The following NLGN1 variants were observed in gnomAD, a reference collection of about 807,000 sequenced individuals.
NLGN1 encodes the protein neuroligin 1.
NLGN1 carries 12 observed loss-of-function variants against 65.5 expected under a neutral mutation model. The observed-to-expected ratio is 0.18, with a 90% CI of 0.12 to 0.30. NLGN1 has a LOEUF of 0.30. NLGN1 is among the 10% of genes least tolerant of loss of function. The pLI is 1.00. For synonymous variants in NLGN1, 350 were observed against 359.5 expected (o/e 0.97, Z 0.30); for missense variants, 750 against 1,007.1 (o/e 0.74, Z 3.46).
chr3:173,489,724 C>T (rs915562386), intron 2 of NLGN1, among the ~76,000 whole-genome samples: 8 of 151,962 alleles, frequency 5.3e-5, no homozygotes, highest in African/African-American at 1.9e-4. Flanking sequence ...GTTCCTATGT[C>T]TCCACATCCT....
At chr3:174,289,470 G>A (rs192355421), downstream of NLGN1, among the ~76,000 whole-genome samples, 5 of 151,318 alleles carry the variant, frequency 3.3e-5, no homozygotes, top group East Asian at 9.8e-4. Flanking sequence ...GTATTTGCAG[G>A]ATATATTTTT....
At chr3:173,469,748 C>A (rs866329152) in intron 2 of NLGN1, among the ~76,000 whole-genome samples, 20 of 151,998 alleles carry the variant, frequency 1.3e-4, no homozygotes, top group Admixed American at 1.3e-4. Context: ...AGCAATCTAT[C>A]CTTATTTCCC....
intron 4 of NLGN1, among the ~76,000 whole-genome samples, chr3:173,994,286 G>A (rs1206055383): frequency 6.6e-6 from 1 of 151,504 alleles, no homozygotes; most frequent in Non-Finnish European, 1.5e-5. Flanking sequence ...TTTGTATTTT[G>A]GGGGGTTTTG....
intron 2 of NLGN1, among the ~76,000 whole-genome samples, chr3:173,581,328 GTCT>G (rs1192191038): frequency 6.6e-6 from 1 of 151,954 alleles, no homozygotes; most frequent in Non-Finnish European, 1.5e-5. Context: ...TATCAACAAA[GTCT>G]TCTTATTTGA....
intron 3 of NLGN1, among the ~76,000 whole-genome samples, chr3:173,785,648 A>C (rs1781833887): frequency 6.6e-6 from 1 of 151,932 alleles, no homozygotes; most frequent in Admixed American, 6.6e-5. Context: ...TGGCATACAG[A>C]GGTATATACA....
At chr3:173,648,091 TA>T (rs1758560670) in intron 3 of NLGN1, among the ~76,000 whole-genome samples, 1 of 151,890 alleles carries the variant, frequency 6.6e-6, no homozygotes, top group Non-Finnish European at 1.5e-5. Flanking sequence ...CTAGAATTTT[TA>T]AAACAACACT....
intron 4 of NLGN1, among the ~76,000 whole-genome samples, chr3:174,119,778 A>C (rs945040877): frequency 2.0e-5 from 3 of 152,216 alleles, no homozygotes; most frequent in African/African-American, 7.2e-5. Context: ...GTAGAATACT[A>C]GTACATCTTA....
chr3:174,233,294 G>T (rs1332466986), intron 4 of NLGN1, among the ~76,000 whole-genome samples: 3 of 152,008 alleles, frequency 2.0e-5, no homozygotes, highest in African/African-American at 7.2e-5. Flanking sequence ...AGACCAGCCT[G>T]ACCAACATGG....
upstream of NLGN1, chr3:173,397,985 G>GC (rs1716933753): frequency 1.3e-5 from 2 of 152,236 alleles, no homozygotes; most frequent in Non-Finnish European, 2.9e-5. Context: ...TTAGAGCGGC[G>GC]CCCCAGTCAC....
At chr3:173,502,636 G>A (rs526880) in intron 2 of NLGN1, among the ~76,000 whole-genome samples, 2 of 152,036 alleles carry the variant, frequency 1.3e-5, no homozygotes, top group African/African-American at 4.8e-5. Context: ...GTATATGTAG[G>A]AATACTTGTT....
chr3:173,852,632 C>A (rs1727200637), intron 4 of NLGN1, among the ~76,000 whole-genome samples: 1 of 152,048 alleles, frequency 6.6e-6, no homozygotes. Flanking sequence ...TTTGTTGTAT[C>A]ACAATTAATG....
At chr3:173,839,312 T>G (rs1578720644) in intron 4 of NLGN1, among the ~76,000 whole-genome samples, 1 of 152,198 alleles carries the variant, frequency 6.6e-6, no homozygotes, top group East Asian at 1.9e-4. Context: ...AAAATTGTCA[T>G]ATTCTTAAAC....
At chr3:173,999,281 A>G (rs971619396) in intron 4 of NLGN1, among the ~76,000 whole-genome samples, 7 of 152,118 alleles carry the variant, frequency 4.6e-5, no homozygotes, top group Non-Finnish European at 1.5e-5. Context: ...CACAAGAACA[A>G]TTTGCCCCAA....
intron 2 of NLGN1, among the ~76,000 whole-genome samples, chr3:173,544,779 A>G (rs931418710): frequency 2.6e-5 from 4 of 152,136 alleles, no homozygotes; most frequent in Non-Finnish European, 1.5e-5. Flanking sequence ...GAAAGAGACT[A>G]TAGGATGAAA....
chr3:173,422,345 A>G (rs1396092892), intron 1 of NLGN1, among the ~76,000 whole-genome samples: 7 of 152,180 alleles, frequency 4.6e-5, no homozygotes, highest in African/African-American at 1.4e-4. Flanking sequence ...AGAGAGTAGA[A>G]TGGCGGTTAC....
chr3:173,437,462 A>G (rs1285682957), intron 2 of NLGN1, among the ~76,000 whole-genome samples: 1 of 152,122 alleles, frequency 6.6e-6, no homozygotes, highest in Non-Finnish European at 1.5e-5. Context: ...CATGCATTGG[A>G]ATTTATTCAG....
intron 2 of NLGN1, among the ~76,000 whole-genome samples, chr3:173,440,666 A>G (rs1330173593): frequency 6.6e-6 from 1 of 152,150 alleles, no homozygotes; most frequent in Admixed American, 6.6e-5. Flanking sequence ...GGCTTAATAT[A>G]TTCAGTAATC....
intron 4 of NLGN1, among the ~76,000 whole-genome samples, chr3:173,996,950 T>C (rs375399105): frequency 2.0e-5 from 3 of 152,148 alleles, no homozygotes; most frequent in African/African-American, 7.2e-5. Context: ...CAGGGCGTAA[T>C]ATAAATCCCA....
chr3:173,497,867 A>G (rs183846549), intron 2 of NLGN1, among the ~76,000 whole-genome samples: 13 of 152,014 alleles, frequency 8.6e-5, no homozygotes, highest in Admixed American at 8.5e-4. Context: ...AATAGTCTGC[A>G]TAAACAATAA....
Sources: gnomAD v4.1 joint callset for allele counts (sites outside exome capture counted in the v4.1 genomes callset) on GRCh38, gnomAD v4.1.1 for gene constraint, MANE v1.5 for transcripts, NCBI Gene and HGNC (gene_info 2026-07-23, HGNC 2026-07-21) for gene names.